ANKRD29: variants seen among roughly 807,000 people sequenced by gnomAD.
ANKRD29 encodes ankyrin repeat domain-containing protein 29.
In ANKRD29, 32 loss-of-function variants were observed where a neutral mutation model predicts 38.0. The ratio of observed to expected loss-of-function variants is 0.84; its 90% CI spans 0.64 to 1.13. The LOEUF (loss-of-function observed/expected upper bound fraction) is 1.13. ANKRD29 is among the 50% of genes most tolerant of loss of function. ANKRD29 has a pLI of 0.00. For synonymous variants in ANKRD29, 135 were observed against 152.4 expected (o/e 0.89, Z 0.84); for missense variants, 357 against 377.9 (o/e 0.94, Z 0.46).
chr18:23,614,851 T>C (rs959862069), intron 8 of ANKRD29, among the ~76,000 whole-genome samples: 1 of 152,114 alleles, frequency 6.6e-6, no homozygotes, highest in African/African-American at 2.4e-5. Context: ...CAAGGGCAAG[T>C]AGGTTTTATA....
chr18:23,640,247 C>T (rs1455481905), intron 3 of ANKRD29, among the ~76,000 whole-genome samples: 1 of 152,134 alleles, frequency 6.6e-6, no homozygotes, highest in Admixed American at 6.5e-5. Context: ...GGAATTCCCC[C>T]AGGAGCCTCC....
intron 1 of ANKRD29, among the ~76,000 whole-genome samples, chr18:23,660,968 C>T (rs11877542): frequency 0.034 from 5,190 of 152,266 alleles, 309 homozygotes; most frequent in African/African-American, 0.12. Flanking sequence ...GTGCCTATTC[C>T]GTCACTAAAT....
intron 1 of ANKRD29, among the ~76,000 whole-genome samples, chr18:23,655,727 T>C (rs2060270880): frequency 6.6e-6 from 1 of 150,542 alleles, no homozygotes; most frequent in Admixed American, 6.6e-5. Flanking sequence ...AGTGCTGGGA[T>C]TACAGGCGTG....
At chr18:23,612,348 T>A (rs984615974) in intron 8 of ANKRD29, among the ~76,000 whole-genome samples, 158 bp from the exon 9 acceptor site, 3 of 152,218 alleles carry the variant, frequency 2.0e-5, no homozygotes, top group African/African-American at 7.2e-5. Flanking sequence ...CAGCCCCTAG[T>A]ATAGTGTCCT....
chr18:23,649,216 G>A, intron 1 of ANKRD29, 23 bp from the exon 2 acceptor site: 2 of 1,580,684 alleles, frequency 1.3e-6, no homozygotes, highest in Non-Finnish European at 1.7e-6. Context: ...AATGAAACAG[G>A]ATCTTAAAAT....
chr18:23,655,315 T>C (rs889053860), intron 1 of ANKRD29, among the ~76,000 whole-genome samples: 3 of 152,170 alleles, frequency 2.0e-5, no homozygotes. Context: ...TTAACCAGCA[T>C]TAATATTAAA....
At chr18:23,661,782 T>C (rs1383272361) in intron 1 of ANKRD29, among the ~76,000 whole-genome samples, 2 of 152,136 alleles carry the variant, frequency 1.3e-5, no homozygotes, top group African/African-American at 4.8e-5. Context: ...ACTGGTCCAG[T>C]ACCATTTCTT....
chr18:23,662,613 G>GGCCCCCCCCCAACCCCCC, intron 1 of ANKRD29, 97 bp downstream of exon 1: 1 of 403,938 alleles, frequency 2.5e-6, no homozygotes, highest in South Asian at 3.4e-5. Flanking sequence ...AGCGGGCAGC[G>GGCCCCCCCCCAACCCCCC]CCCACCCCAT....
chr18:23,661,837 C>G (rs2060366386), intron 1 of ANKRD29, among the ~76,000 whole-genome samples: 5 of 152,216 alleles, frequency 3.3e-5, no homozygotes, highest in Admixed American at 2.6e-4. Context: ...TTCTCCAAAC[C>G]TAGCCAGAGA....
chr18:23,641,085 C>T (rs954481772), intron 3 of ANKRD29, among the ~76,000 whole-genome samples: 1 of 152,108 alleles, frequency 6.6e-6, no homozygotes, highest in Non-Finnish European at 1.5e-5. Context: ...AAAAAAAAGC[C>T]CCTTACTCAA....
At chr18:23,618,707 A>G (rs775154198) in intron 7 of ANKRD29, 12 of 151,772 alleles carry the variant, frequency 7.9e-5, no homozygotes, top group Admixed American at 2.0e-4. Context: ...CCATTTTCAC[A>G]TATCAGTCGC....
intron 6 of ANKRD29, among the ~76,000 whole-genome samples, chr18:23,627,173 T>C (rs933248806): frequency 1.3e-5 from 2 of 152,214 alleles, no homozygotes; most frequent in South Asian, 4.1e-4. Flanking sequence ...CAACCTCTAA[T>C]TATAAGCTCA....
chr18:23,601,127 T>G lies in ANKRD29; in HGVS notation c.*99A>C. 8.9e-7 allele frequency: 1 copy of G among 1,127,942 alleles called. No homozygotes were observed. Among genetic ancestry groups the G allele is most frequent in the Non-Finnish European group, 1.3e-6 (1 of 780,584 alleles). The allele number at this position is 1,127,942 out of a possible 1,614,324, so 69.9% of individuals were successfully genotyped here. On this transcript the variant is annotated 3_prime_UTR_variant, in exon 10 of 10. Transcript: ENST00000592179. ...CACAGGATGGGCATTCTGGGCATCT[T>G]TTTTTTTCATAAAAGAATTTCCAAC... is the stretch of plus-strand genomic sequence containing the variant.
intron 6 of ANKRD29, among the ~76,000 whole-genome samples, chr18:23,626,641 A>G (rs2059865739): frequency 2.0e-5 from 3 of 152,234 alleles, no homozygotes; most frequent in Non-Finnish European, 2.9e-5. Flanking sequence ...AATCAAGAAC[A>G]TAGTCTTCCT....
In ANKRD29 at chr18:23,649,113, G is replaced by C; in HGVS notation, c.102C>G (p.Ser34Arg). 1 of 1,614,130 alleles carries C rather than the reference G, an allele frequency of 6.2e-7. No homozygotes were observed. The highest frequency in any genetic ancestry group is 8.5e-7 in the Non-Finnish European group (1 of 1,180,000). The change falls in exon 2 of 10, where the codon AGC (serine) becomes AGG (arginine). Residue 34 changes from serine (S) to arginine (R), a missense_variant. Ser to Arg is a moderately radical substitution (Grantham distance 110, BLOSUM62 -1). Coordinates refer to ENST00000592179, the MANE Select transcript of ANKRD29 (RefSeq NM_173505.4). ...NLALLKLLLN[S>R]GRVDVDCRDS... ...CTCTGCAGTCCACGTCCACCCGGCCGCTGTTCAACAGCAGCTTCAGCAGCG... is the reference window on the plus strand; with the variant it reads ...CTCTGCAGTCCACGTCCACCCGGCCCCTGTTCAACAGCAGCTTCAGCAGCG...
intron 9 of ANKRD29, among the ~76,000 whole-genome samples, chr18:23,606,689 G>A (rs2059579004): frequency 2.0e-5 from 3 of 152,150 alleles, no homozygotes; most frequent in African/African-American, 4.8e-5. Context: ...AGAAATGTTT[G>A]TATAGAGGAA....
At chr18:23,629,475 C>T (rs1048145433) in intron 6 of ANKRD29, among the ~76,000 whole-genome samples, 4 of 152,228 alleles carry the variant, frequency 2.6e-5, no homozygotes, top group African/African-American at 7.2e-5. Flanking sequence ...GCATTATCAG[C>T]AGGGGCCAGG....
chr18:23,608,928 C>T (rs2059606263), intron 9 of ANKRD29, among the ~76,000 whole-genome samples: 1 of 152,078 alleles, frequency 6.6e-6, no homozygotes, highest in Admixed American at 6.6e-5. Flanking sequence ...TGGTGAAACC[C>T]TGTTTCTACT....
At chr18:23,646,015 AT>A (rs745472215) in intron 3 of ANKRD29, among the ~76,000 whole-genome samples, 173 bp downstream of exon 3, 1 of 152,220 alleles carries the variant, frequency 6.6e-6, no homozygotes, top group Non-Finnish European at 1.5e-5. Context: ...GCTCAAATGC[AT>A]TATAACTGCT....
Sources: gnomAD v4.1 joint callset for allele counts (sites outside exome capture counted in the v4.1 genomes callset) on GRCh38, gnomAD v4.1.1 for gene constraint, MANE v1.5 for transcripts, NCBI Gene and HGNC (gene_info 2026-07-23, HGNC 2026-07-21) for gene names.